SMIM8: variants seen among roughly 807,000 people sequenced by gnomAD.
The protein encoded by SMIM8 is UPF0708 protein C6orf162.
Under a neutral mutation model 8.1 loss-of-function variants are expected in SMIM8, and 8 were observed. The observed-to-expected ratio is 0.99, with a 90% confidence interval of 0.58 to 1.78. SMIM8 has a LOEUF of 1.78. Among genes scored for constraint, SMIM8 ranks in the 40% most tolerant of loss-of-function variants. The pLI is 0.00. For missense variants in SMIM8, 126 were observed against 119.8 expected, an observed-to-expected ratio of 1.05 and a Z score of -0.24; for synonymous variants, 45 against 39.7, an observed-to-expected ratio of 1.13 and a Z score of -0.50.
intron 2 of SMIM8, among the ~76,000 whole-genome samples, chr6:87,333,774 T>A (rs1199208092): frequency 2.0e-5 from 3 of 152,196 alleles, no homozygotes; most frequent in East Asian, 3.8e-4. Flanking sequence ...TGATATCAGG[T>A]TCATGCAAGA....
intron 1 of SMIM8, among the ~76,000 whole-genome samples, chr6:87,327,958 T>G (rs1057000633): frequency 3.3e-5 from 5 of 151,190 alleles, no homozygotes; most frequent in Admixed American, 1.3e-4. Flanking sequence ...TTGTTTCTTT[T>G]TATTCTTTTT....
chr6:87,326,879 C>T (rs1208010161), intron 1 of SMIM8, among the ~76,000 whole-genome samples: 1 of 118,684 alleles, frequency 8.4e-6, no homozygotes, highest in East Asian at 2.2e-4. Flanking sequence ...TTAAAGTCTC[C>T]CATTATTAAT....
intron 2 of SMIM8, among the ~76,000 whole-genome samples, chr6:87,331,201 G>A (rs2127921227): frequency 1.3e-5 from 2 of 152,298 alleles, no homozygotes; most frequent in South Asian, 4.2e-4. Context: ...AGAGAAGAAG[G>A]TGGAGAAACT....
intron 1 of SMIM8, among the ~76,000 whole-genome samples, chr6:87,324,240 T>C (rs1383317590): frequency 6.6e-6 from 1 of 152,188 alleles, no homozygotes; most frequent in Non-Finnish European, 1.5e-5. Context: ...TTCACTCTGA[T>C]GGTAGTTTCT....
intron 2 of SMIM8, among the ~76,000 whole-genome samples, chr6:87,332,869 A>C (rs1777024189): frequency 6.6e-6 from 1 of 152,166 alleles, no homozygotes. Flanking sequence ...CCCTAATAAC[A>C]TGGCCATGGG....
intron 1 of SMIM8, among the ~76,000 whole-genome samples, chr6:87,328,480 G>A (rs12190506): frequency 6.6e-6 from 1 of 150,432 alleles, no homozygotes; most frequent in Non-Finnish European, 1.5e-5. Context: ...AGACAGGACC[G>A]TAAGCTTCAG....
chr6:87,326,894 G>C (rs1776835914), intron 1 of SMIM8, among the ~76,000 whole-genome samples: 1 of 115,400 alleles, frequency 8.7e-6, no homozygotes, highest in Admixed American at 8.0e-5. Context: ...ATTAATTTGT[G>C]GGAGTTTAAG....
chr6:87,338,723 A>T (rs533251257), intron 3 of SMIM8, among the ~76,000 whole-genome samples: 1 of 152,296 alleles, frequency 6.6e-6, no homozygotes, highest in Non-Finnish European at 1.5e-5. Context: ...TACAGCAGGT[A>T]TGGTGACAGA....
chr6:87,327,043 A>G (rs985181808), intron 1 of SMIM8, among the ~76,000 whole-genome samples: 1 of 147,694 alleles, frequency 6.8e-6, no homozygotes, highest in African/African-American at 2.5e-5. Context: ...GTGTCTTTTG[A>G]TCTTTGTTGG....
intron 3 of SMIM8, among the ~76,000 whole-genome samples, chr6:87,339,052 G>T (rs916298179): frequency 2.6e-5 from 4 of 151,918 alleles, no homozygotes; most frequent in Admixed American, 2.0e-4. Flanking sequence ...AAATTAGTCT[G>T]GCCACAGTGG....
intron 1 of SMIM8, among the ~76,000 whole-genome samples, chr6:87,327,406 C>T (rs972279648): frequency 6.6e-6 from 1 of 152,176 alleles, no homozygotes; most frequent in African/African-American, 2.4e-5. Context: ...TTGTTCCTTT[C>T]CATGTTTAGT....
intron 2 of SMIM8, among the ~76,000 whole-genome samples, chr6:87,331,400 A>G (rs866192558): frequency 6.6e-6 from 1 of 152,248 alleles, no homozygotes; most frequent in Non-Finnish European, 1.5e-5. Flanking sequence ...CTTCAGGATT[A>G]AAAGTTTACT....
intron 3 of SMIM8, among the ~76,000 whole-genome samples, chr6:87,339,325 C>CGCGTGTGTGTGT (rs1227198338): frequency 8.1e-6 from 1 of 124,086 alleles, no homozygotes; most frequent in Non-Finnish European, 1.7e-5. Flanking sequence ...CAAAACACAG[C>CGCGTGTGTGTGT]GTGTGTGTGT....
At chr6:87,325,529 G>A (rs1457670751) in intron 1 of SMIM8, among the ~76,000 whole-genome samples, 4 of 149,116 alleles carry the variant, frequency 2.7e-5, no homozygotes, top group Non-Finnish European at 5.9e-5. Context: ...ATAATCATGT[G>A]GTTTTTGTCT....
At chr6:87,335,175 A>G (rs1777079980) in intron 2 of SMIM8, among the ~76,000 whole-genome samples, 1 of 152,250 alleles carries the variant, frequency 6.6e-6, no homozygotes, top group East Asian at 1.9e-4. Flanking sequence ...AAACACAGGC[A>G]TGATTCCTGT....
intron 1 of SMIM8, among the ~76,000 whole-genome samples, chr6:87,327,941 G>A (rs924239343): frequency 2.0e-5 from 3 of 149,860 alleles, no homozygotes; most frequent in African/African-American, 7.5e-5. Flanking sequence ...TTTCTTGGAG[G>A]CTTTGCTTGT....
At position 87,340,776 on chromosome 6, in the gene SMIM8, T is replaced by C. The variant is rs1321802108; in HGVS notation, c.*502T>C. 1 of 152,564 alleles carries C rather than the reference T, an allele frequency of 6.6e-6. No homozygotes were observed. Among genetic ancestry groups the C allele is most frequent in the East Asian group, 1.9e-4 (1 of 5,200 alleles). The allele number at this position is 152,564 out of a possible 1,614,324, so 9.5% of individuals were successfully genotyped here. On this transcript the variant is annotated 3_prime_UTR_variant, in exon 4 of 4. Transcript: ENST00000392863. The stretch of plus-strand genomic sequence containing the variant: ...AAAATATGAGATATGAGAAACTGAG[T>C]TGGCTCTGACAAGTAGTTTTTATAG...
chr6:87,326,168 T>C (rs1776816180), intron 1 of SMIM8, among the ~76,000 whole-genome samples: 1 of 152,236 alleles, frequency 6.6e-6, no homozygotes, highest in Admixed American at 6.5e-5. Flanking sequence ...TTTATCTTTA[T>C]TAGTCTTGCT....
Position 87,340,355 on chromosome 6 carries a change from T to C in SMIM8, c.*81T>C. The C allele has an allele frequency of 1.5e-6, 2 of 1,320,628 alleles. No homozygotes were observed. The highest frequency in any genetic ancestry group is 2.0e-6 in the Non-Finnish European group (2 of 1,014,908). 81.8% of individuals were successfully genotyped at this position (1,320,628 alleles called of 1,614,324 possible). ...AAGACCTTGTGAGTGTACAGTATCA[T>C]GTTTCTTGTTCTAGAACATGCTAAT... On this transcript the variant is annotated 3_prime_UTR_variant, in exon 4 of 4. Coordinates refer to ENST00000392863, the MANE Select transcript of SMIM8 (RefSeq NM_001042493.3).
Sources: allele counts gnomAD v4.1 joint callset (sites outside exome capture counted in the v4.1 genomes callset), GRCh38; gene constraint gnomAD v4.1.1; transcripts MANE v1.5; gene names NCBI Gene and HGNC (gene_info 2026-07-23, HGNC 2026-07-21).